NTM: variants seen among roughly 807,000 people sequenced by gnomAD.
NTM encodes neurotrimin, also known as IgLON family member 2.
A neutral mutation model predicts 42.1 loss-of-function variants in NTM; 13 were observed. The observed-to-expected ratio is 0.31, with a 90% CI of 0.20 to 0.49. The LOEUF (loss-of-function observed/expected upper bound fraction) is 0.49. Ranked by LOEUF, NTM falls within the 20% of genes least tolerant of loss-of-function variation. The probability of loss-of-function intolerance (pLI) is 0.99; values close to 1 mark genes in which losing one functional copy is unlikely to be tolerated. For missense variants in NTM, 373 were observed against 452.8 expected (o/e 0.82, Z 1.60); for synonymous variants, 187 against 179.2 (o/e 1.04, Z -0.35).
chr11:132,289,436 G>A (rs1591772305), intron 4 of NTM, among the ~76,000 whole-genome samples: 1 of 152,136 alleles, frequency 6.6e-6, no homozygotes, highest in Non-Finnish European at 1.5e-5. Flanking sequence ...TTTATACATT[G>A]CTATACCTGA....
intron 1 of NTM, among the ~76,000 whole-genome samples, chr11:131,523,496 A>C (rs565738467): frequency 2.0e-5 from 3 of 152,310 alleles, no homozygotes; most frequent in African/African-American, 7.2e-5. Context: ...GAAGTTTAGA[A>C]GAAAAGGAAG....
At chr11:131,909,308 T>C (rs1010137742) in intron 1 of NTM, among the ~76,000 whole-genome samples, 10 of 152,212 alleles carry the variant, frequency 6.6e-5, no homozygotes, top group Non-Finnish European at 1.5e-4. Flanking sequence ...CAACGTGGTA[T>C]CTACATGTAA....
At chr11:131,897,519 G>A (rs1437859375) in intron 1 of NTM, among the ~76,000 whole-genome samples, 2 of 152,212 alleles carry the variant, frequency 1.3e-5, no homozygotes, top group Non-Finnish European at 2.9e-5. Context: ...CACAGGTCAG[G>A]AATTGTGTTA....
chr11:131,775,324 A>G (rs2086788967), intron 1 of NTM, among the ~76,000 whole-genome samples: 1 of 152,242 alleles, frequency 6.6e-6, no homozygotes, highest in Non-Finnish European at 1.5e-5. Context: ...ATAACTAATA[A>G]TAACTACTTA....
chr11:132,317,776 C>A (rs1036129794), intron 7 of NTM: 1 of 770,074 alleles, frequency 1.3e-6, no homozygotes, highest in Non-Finnish European at 2.0e-6. Flanking sequence ...ACCCGAAGCA[C>A]TTGTCTGTAA....
At chr11:132,228,522 G>C (rs1440376466) in intron 4 of NTM, among the ~76,000 whole-genome samples, 2 of 152,220 alleles carry the variant, frequency 1.3e-5, no homozygotes, top group East Asian at 1.9e-4. Context: ...CTTTCTTGGA[G>C]AGGGAAAGCC....
chr11:131,723,105 A>C (rs1026653875), intron 1 of NTM, among the ~76,000 whole-genome samples: 1 of 152,146 alleles, frequency 6.6e-6, no homozygotes, highest in Admixed American at 6.5e-5. Flanking sequence ...TCTGATCCTC[A>C]TTTTGCCGTT....
At chr11:132,241,872 C>T (rs557379971) in intron 4 of NTM, among the ~76,000 whole-genome samples, 10 of 152,344 alleles carry the variant, frequency 6.6e-5, no homozygotes, top group African/African-American at 2.2e-4. Context: ...CAGTACAATT[C>T]TCTGTTAAGA....
intron 1 of NTM, among the ~76,000 whole-genome samples, chr11:131,755,195 C>T (rs1283096389): frequency 6.6e-6 from 1 of 152,116 alleles, no homozygotes; most frequent in Non-Finnish European, 1.5e-5. Context: ...ATAAGTTATA[C>T]AATAAAAATT....
At chr11:132,174,810 T>C in intron 3 of NTM, among the ~76,000 whole-genome samples, 1 of 152,256 alleles carries the variant, frequency 6.6e-6, no homozygotes. Flanking sequence ...TCAGAGTTCA[T>C]TACTTTTTGA....
chr11:132,291,633 A>G (rs1422467211), intron 4 of NTM, among the ~76,000 whole-genome samples: 5 of 152,216 alleles, frequency 3.3e-5, no homozygotes, highest in African/African-American at 1.2e-4. Context: ...CAGTGAGACA[A>G]GAATACCTAG....
chr11:131,708,919 G>A (rs1182685942), intron 1 of NTM, among the ~76,000 whole-genome samples: 1 of 152,182 alleles, frequency 6.6e-6, no homozygotes, highest in Non-Finnish European at 1.5e-5. Context: ...GGCAGATCAG[G>A]GAATGAGGAG....
intron 1 of NTM, among the ~76,000 whole-genome samples, chr11:131,692,893 G>T (rs1056011058): frequency 6.6e-6 from 1 of 152,222 alleles, no homozygotes; most frequent in Non-Finnish European, 1.5e-5. Context: ...AGCATTCAGG[G>T]TTAGTGTCAG....
chr11:131,726,088 A>G (rs1004258497), intron 1 of NTM, among the ~76,000 whole-genome samples: 12 of 152,218 alleles, frequency 7.9e-5, no homozygotes, highest in African/African-American at 2.4e-4. Flanking sequence ...TGAGGCCCCA[A>G]AGAAAAGGTA....
At position 132,172,795 on chromosome 11, in the gene NTM, A is replaced by G. The variant is rs144679312; in HGVS notation, c.400+26281A>G. 3.8e-3 allele frequency among the ~76,000 whole-genome samples: 572 copies of G among 152,312 alleles called. 2 individuals carry two copies. Among genetic ancestry groups the G allele is most frequent in the African/African-American group, 0.011 (472 of 41,572 alleles). On this transcript the variant is annotated intron_variant, in intron 3 of 8. Coordinates refer to ENST00000683400, the MANE Select transcript of NTM (RefSeq NM_001352005.2). The stretch of plus-strand genomic sequence containing the variant: ...TTTGATGCTGTCAGAAACTCTGGAC[A>G]TGATCATTTGTGCTGGAAAAAGCAC...
chr11:131,685,286 C>T (rs904732941), intron 1 of NTM, among the ~76,000 whole-genome samples: 2 of 146,836 alleles, frequency 1.4e-5, no homozygotes, highest in African/African-American at 5.5e-5. Context: ...TGAGGCTCCC[C>T]AGCCAGCATC....
intron 4 of NTM, among the ~76,000 whole-genome samples, chr11:132,236,422 GTT>G (rs2088908924): frequency 6.6e-6 from 1 of 152,150 alleles, no homozygotes; most frequent in Non-Finnish European, 1.5e-5. Context: ...ACAGACCTGT[GTT>G]TCCATCTGCT....
At chr11:132,082,747 G>A (rs2059244830) in intron 2 of NTM, among the ~76,000 whole-genome samples, 2 of 152,224 alleles carry the variant, frequency 1.3e-5, no homozygotes, top group African/African-American at 4.8e-5. Flanking sequence ...TGGGGAAAAT[G>A]GCAGTCAGAG....
Position 131,972,042 on chromosome 11 carries a change from C to CAAAAAAA in NTM, c.167+60409_167+60415dup, listed in dbSNP as rs61627120. Among the ~76,000 whole-genome samples, 52 of 57,830 alleles carry CAAAAAAA rather than the reference C, an allele frequency of 9.0e-4. 3 individuals are homozygous for CAAAAAAA. The highest frequency in any genetic ancestry group is 7.0e-3 in the East Asian group (13 of 1,858). 37.9% of individuals were successfully genotyped at this position (57,830 alleles called of 152,430 possible). A position where few individuals can be genotyped will look rare whatever the true frequency, so the allele number is the denominator to read the frequency against. ...TGGGCGACAGAGTGAGACTCCGTCTCAAAAAAAAAAAAAAAAAAAAATTAG... is the reference window on the plus strand; with the variant it reads ...TGGGCGACAGAGTGAGACTCCGTCTCAAAAAAAAAAAAAAAAAAAAAAAAAAAATTAG... On this transcript the variant is annotated intron_variant, in intron 2 of 8. Transcript: ENST00000683400.
Sources: allele counts gnomAD v4.1 joint callset (sites outside exome capture counted in the v4.1 genomes callset), GRCh38; gene constraint gnomAD v4.1.1; transcripts MANE v1.5; gene names NCBI Gene and HGNC (gene_info 2026-07-23, HGNC 2026-07-21).